AMPH: variants seen among roughly 807,000 people sequenced by gnomAD.
AMPH encodes amphiphysin, also known as amphiphysin (Stiff-Mann syndrome with breast cancer 128kD autoantigen).
AMPH carries 49 observed loss-of-function variants against 99.1 expected under a neutral mutation model. The observed-to-expected ratio is 0.49, with a 90% CI of 0.39 to 0.63. The LOEUF (loss-of-function observed/expected upper bound fraction) is 0.63. Among genes scored for constraint, AMPH ranks in the 20% least tolerant of loss-of-function variants. AMPH has a pLI of 0.00. For synonymous variants in AMPH, 314 were observed against 317.3 expected (o/e 0.99, Z 0.11); for missense variants, 759 against 863.4 (o/e 0.88, Z 1.52).
chr7:38,446,616 G>A (rs1474719440), intron 11 of AMPH, among the ~76,000 whole-genome samples: 2 of 152,154 alleles, frequency 1.3e-5, no homozygotes, highest in Non-Finnish European at 2.9e-5. Context: ...AGATGCTGGC[G>A]CCAATGGGGA....
intron 5 of AMPH, among the ~76,000 whole-genome samples, chr7:38,485,780 C>T (rs979160472): frequency 2.0e-5 from 3 of 151,752 alleles, no homozygotes; most frequent in African/African-American, 4.8e-5. Context: ...GGTATCTTTT[C>T]CAACCACAAT....
chr7:38,610,129 G>A lies in AMPH; in HGVS notation c.69+21154C>T, dbSNP rs1005088445. 8.0e-5 allele frequency among the ~76,000 whole-genome samples: 12 copies of A among 149,878 alleles called. No homozygotes were observed. The South Asian group carries it at 1.1e-3, about 13-fold the overall frequency. ...CGCATGCCTGTAATCCCAGCTACTC[G>A]GGAGGCTGAGGCAGGAGAATTGCTT... On this transcript the variant is annotated intron_variant, in intron 1 of 20. Coordinates refer to ENST00000356264, the MANE Select transcript of AMPH (RefSeq NM_001635.4).
intron 1 of AMPH, among the ~76,000 whole-genome samples, chr7:38,546,167 G>C (rs1234742860): frequency 6.6e-6 from 1 of 152,154 alleles, no homozygotes; most frequent in Non-Finnish European, 1.5e-5. Flanking sequence ...GCAGAGAGAT[G>C]CTGCCCCTTC....
intron 11 of AMPH, among the ~76,000 whole-genome samples, chr7:38,458,028 C>T (rs78053839): frequency 0.098 from 14,843 of 151,896 alleles, 980 homozygotes; most frequent in Middle Eastern, 0.2. Context: ...TTGAGTCATT[C>T]CTCTTCCTCA....
At chr7:38,432,158 A>C in intron 13 of AMPH, 31 bp downstream of exon 13, 5 of 1,594,906 alleles carry the variant, frequency 3.1e-6, no homozygotes, top group Non-Finnish European at 4.3e-6. Context: ...GGATCAAGAT[A>C]CATGAAAAAA....
intron 7 of AMPH, among the ~76,000 whole-genome samples, chr7:38,473,763 T>G (rs1787980979): frequency 8.9e-6 from 1 of 111,860 alleles, no homozygotes; most frequent in African/African-American, 3.1e-5. Flanking sequence ...CCATGAAATG[T>G]AAGAGCAAAA....
chr7:38,503,565 G>T, intron 3 of AMPH, 85 bp downstream of exon 3: 3 of 1,388,658 alleles, frequency 2.2e-6, no homozygotes, highest in Non-Finnish European at 3.0e-6. Context: ...AAATGGCTTT[G>T]TAATTAACAC....
chr7:38,546,178 T>G (rs1281750254), intron 1 of AMPH, among the ~76,000 whole-genome samples: 1 of 152,236 alleles, frequency 6.6e-6, no homozygotes, highest in African/African-American at 2.4e-5. Context: ...CTGCCCCTTC[T>G]GGCTATCTGA....
At chr7:38,425,185 T>C (rs2128990448) in intron 15 of AMPH, among the ~76,000 whole-genome samples, 1 of 151,956 alleles carries the variant, frequency 6.6e-6, no homozygotes, top group East Asian at 1.9e-4. Context: ...CAGAAAACAG[T>C]GGAAGGACAG....
intron 2 of AMPH, among the ~76,000 whole-genome samples, chr7:38,517,211 T>C (rs747576739): frequency 9.9e-5 from 15 of 152,154 alleles, no homozygotes; most frequent in South Asian, 2.1e-4. Flanking sequence ...GAAGGAATGA[T>C]ATGGTTTGGA....
At chr7:38,602,786 A>G (rs1278678138) in intron 1 of AMPH, among the ~76,000 whole-genome samples, 1 of 152,168 alleles carries the variant, frequency 6.6e-6, no homozygotes, top group East Asian at 1.9e-4. Context: ...ACACCCTGAA[A>G]TGATGCACCA....
chr7:38,428,012 T>C (rs1355098543), intron 14 of AMPH: 4 of 456,700 alleles, frequency 8.8e-6, no homozygotes, highest in East Asian at 6.9e-5. Flanking sequence ...CCTGGCTTTG[T>C]TCCCAGCAGC....
At chr7:38,525,115 T>G (rs1471719793) in intron 2 of AMPH, among the ~76,000 whole-genome samples, 1 of 151,764 alleles carries the variant, frequency 6.6e-6, no homozygotes, top group Non-Finnish European at 1.5e-5. Context: ...TGGAATCATT[T>G]GCAGTTGTGT....
chr7:38,582,081 T>A (rs1792487752), intron 1 of AMPH, among the ~76,000 whole-genome samples: 1 of 150,982 alleles, frequency 6.6e-6, no homozygotes, highest in Non-Finnish European at 1.5e-5. Flanking sequence ...CCCCACAGAG[T>A]GAATAACATA....
chr7:38,399,076 C>T (rs1584038571), intron 17 of AMPH, among the ~76,000 whole-genome samples: 1 of 152,104 alleles, frequency 6.6e-6, no homozygotes. Context: ...CCGAAATTAA[C>T]AACTCTGGCA....
chr7:38,437,639 A>AAGAAAAG lies in AMPH; in HGVS notation c.1018-1252_1018-1251insCTTTTCT, dbSNP rs1554336210. 6.2e-5 allele frequency among the ~76,000 whole-genome samples: 6 copies of AAGAAAAG among 96,728 alleles called. No individual in the cohort carries two copies. The East Asian group carries it at 1.3e-3, about 21-fold the overall frequency. 63.5% of individuals were successfully genotyped at this position (96,728 alleles called of 152,430 possible). On this transcript the variant is annotated intron_variant, in intron 11 of 20. Coordinates refer to ENST00000356264, the MANE Select transcript of AMPH (RefSeq NM_001635.4). Reference sequence around the variant, plus strand: ...TACTAAAAATACAAAAAAAAAAAAAAAAAAGAAAAGAAAAATTAGTTGGGC... The same window carrying AAGAAAAG: ...TACTAAAAATACAAAAAAAAAAAAAAAGAAAAGAAAAGAAAAGAAAAATTAGTTGGGC...
intron 16 of AMPH, among the ~76,000 whole-genome samples, chr7:38,421,775 T>A (rs1785588235): frequency 6.6e-6 from 1 of 152,220 alleles, no homozygotes; most frequent in African/African-American, 2.4e-5. Flanking sequence ...AGCAATGACA[T>A]GCTCAAAAGT....
chr7:38,419,674 G>A (rs1785516631), intron 16 of AMPH, among the ~76,000 whole-genome samples: 1 of 152,192 alleles, frequency 6.6e-6, no homozygotes, highest in South Asian at 2.1e-4. Flanking sequence ...GATTTGCTAT[G>A]ACAGCCTGGT....
At chr7:38,421,312 C>T (rs1019417646) in intron 16 of AMPH, among the ~76,000 whole-genome samples, 6 of 152,340 alleles carry the variant, frequency 3.9e-5, no homozygotes, top group Admixed American at 2.6e-4. Flanking sequence ...TTCTCATAAA[C>T]CATTCATGAT....
Sources: gnomAD v4.1 joint callset for allele counts (sites outside exome capture counted in the v4.1 genomes callset) on GRCh38, gnomAD v4.1.1 for gene constraint, MANE v1.5 for transcripts, NCBI Gene and HGNC (gene_info 2026-07-23, HGNC 2026-07-21) for gene names.